Variants in MCC observed in about 807,000 individuals in gnomAD.
MCC encodes MCC regulator of Wnt signaling pathway, also known as colorectal mutant cancer protein.
In MCC, 90 loss-of-function variants were observed where a neutral mutation model predicts 116.2. That is an observed-to-expected ratio of 0.77 (90% CI 0.65 to 0.92). The LOEUF is 0.92. Ranked by LOEUF, MCC falls within the 40% of genes least tolerant of loss-of-function variation. The pLI is 0.00. For synonymous variants in MCC, 578 were observed against 510.5 expected (o/e 1.13, Z -1.78); for missense variants, 1,516 against 1,312.2 (o/e 1.16, Z -2.40).
chr5:113,126,858 C>T (rs1758081588), intron 5 of MCC, among the ~76,000 whole-genome samples: 1 of 151,750 alleles, frequency 6.6e-6, no homozygotes, highest in Non-Finnish European at 1.5e-5. Context: ...TGCCACTATC[C>T]CTCATATTGT....
chr5:113,124,913 G>C (rs939262321), intron 5 of MCC, among the ~76,000 whole-genome samples: 1 of 152,206 alleles, frequency 6.6e-6, no homozygotes, highest in Non-Finnish European at 1.5e-5. Flanking sequence ...GCTGCCAGTG[G>C]GGAGTGACCA....
At chr5:113,135,370 T>C (rs1490043834) in intron 5 of MCC, among the ~76,000 whole-genome samples, 6 of 138,980 alleles carry the variant, frequency 4.3e-5, no homozygotes, top group South Asian at 2.5e-4. Flanking sequence ...CTGGCTAACG[T>C]GGTGAAACAC....
chr5:113,340,675 G>A lies in MCC; in HGVS notation c.471C>T (p.Leu157=), dbSNP rs754207375. The A allele has an allele frequency of 6.2e-7, 1 of 1,614,068 alleles. No homozygotes were observed. The highest frequency in any genetic ancestry group is 8.5e-7 in the Non-Finnish European group (1 of 1,180,024). The change falls in exon 3 of 19, where the codon CTC becomes CTT. Residue 157 remains leucine (L), a synonymous_variant. Coordinates refer to ENST00000408903, the MANE Select transcript of MCC (RefSeq NM_001085377.2). ...ACTGGCTCTGCACATCCGGGCTCTG[G>A]AGGTCCCTGGCACCAGAGTCGTATT... The part of the protein sequence containing the change: ...SWEYDSGARD[L]QSPDVQSQSA...
chr5:113,264,689 AAAG>A (rs1477227208), intron 3 of MCC, among the ~76,000 whole-genome samples: 7 of 152,218 alleles, frequency 4.6e-5, no homozygotes, highest in African/African-American at 1.2e-4. Context: ...AAAAAAATCA[AAAG>A]AAGAATATCT....
intron 3 of MCC, among the ~76,000 whole-genome samples, chr5:113,255,981 T>C (rs143695081): frequency 2.6e-5 from 4 of 152,372 alleles, no homozygotes; most frequent in Admixed American, 2.6e-4. Context: ...ATCAACATTT[T>C]TATCCACCAA....
At chr5:113,197,040 T>C (rs191157533) in intron 3 of MCC, among the ~76,000 whole-genome samples, 15 of 152,258 alleles carry the variant, frequency 9.9e-5, no homozygotes, top group African/African-American at 3.6e-4. Flanking sequence ...GTAAGATGTA[T>C]ACATGGAAAT....
chr5:113,054,964 G>T (rs1580939874), intron 14 of MCC, among the ~76,000 whole-genome samples: 1 of 152,220 alleles, frequency 6.6e-6, no homozygotes, highest in East Asian at 1.9e-4. Flanking sequence ...GGACTCTGAG[G>T]CCAGTGTGCA....
chr5:113,288,779 G>A (rs527802980), intron 3 of MCC, among the ~76,000 whole-genome samples: 4 of 152,118 alleles, frequency 2.6e-5, no homozygotes, highest in Admixed American at 6.5e-5. Flanking sequence ...CTGGAGAAAG[G>A]CTACCTGGGC....
In MCC at chr5:113,441,067, G is replaced by T. The variant is rs555031905; in HGVS notation, c.170+47178C>A. ...AAACAAGTTCTGTCAAGGTGTGGTGGCTCACGCCTGTAATCCCAACACTTT... is the reference window on the plus strand; with the variant it reads ...AAACAAGTTCTGTCAAGGTGTGGTGTCTCACGCCTGTAATCCCAACACTTT... On this transcript the variant is annotated intron_variant, in intron 1 of 18. Transcript: ENST00000408903. 5.3e-5 allele frequency among the ~76,000 whole-genome samples: 8 copies of T among 152,314 alleles called. No individual in the cohort carries two copies. The South Asian group carries it at 1.7e-3, about 32-fold the overall frequency.
chr5:113,071,926 A>G (rs1754069462), intron 11 of MCC, among the ~76,000 whole-genome samples: 1 of 152,242 alleles, frequency 6.6e-6, no homozygotes, highest in Admixed American at 6.5e-5. Flanking sequence ...TGGGTTACAC[A>G]GTCTAGCAGC....
chr5:113,441,491 T>C (rs1771039906), intron 1 of MCC, among the ~76,000 whole-genome samples: 1 of 150,672 alleles, frequency 6.6e-6, no homozygotes, highest in African/African-American at 2.5e-5. Context: ...TCACTTATTA[T>C]TTTTTGTTTT....
rs542046944 is a variant in MCC at position 113,395,094 on chromosome 5, G to A, written c.171-9882C>T. On this transcript the variant is annotated intron_variant, in intron 1 of 18. Transcript: ENST00000408903. Reference sequence around the variant, plus strand: ...AGTTCATTCCTTGTTCATTATCTTTGAGTCTGTAACACCTGGTATACAGTA... The same window carrying A: ...AGTTCATTCCTTGTTCATTATCTTTAAGTCTGTAACACCTGGTATACAGTA... Among the ~76,000 whole-genome samples the A allele has an allele frequency of 8.5e-5, 13 of 152,250 alleles. No individual in the cohort carries two copies. In the East Asian group the frequency reaches 2.3e-3, roughly 27 times the overall value.
chr5:113,473,429 C>A (rs117483030), intron 1 of MCC, among the ~76,000 whole-genome samples: 117 of 151,982 alleles, frequency 7.7e-4, no homozygotes, highest in Non-Finnish European at 1.2e-3. Flanking sequence ...AAGCCTGATG[C>A]GGGAGGGTTA....
intron 3 of MCC, among the ~76,000 whole-genome samples, chr5:113,206,838 C>G (rs776734350): frequency 2.0e-5 from 3 of 152,190 alleles, no homozygotes; most frequent in African/African-American, 7.2e-5. Context: ...TAACCCCTTA[C>G]AGTTTTCGTA....
At chr5:113,304,415 TG>T (rs1486864151) in intron 3 of MCC, among the ~76,000 whole-genome samples, 1 of 152,186 alleles carries the variant, frequency 6.6e-6, no homozygotes, top group African/African-American at 2.4e-5. Flanking sequence ...ACCCCCGTGG[TG>T]TTTGTCTGTC....
chr5:113,049,127 G>A lies in MCC; in HGVS notation c.2621C>T (p.Ser874Phe). 1 of 1,614,216 alleles carries A rather than the reference G, an allele frequency of 6.2e-7. No homozygotes were observed. Among genetic ancestry groups the A allele is most frequent in the African/African-American group, 1.3e-5 (1 of 75,060 alleles). The change falls in exon 16 of 19, where the codon TCC (serine) becomes TTC (phenylalanine). Residue 874 changes from serine (S) to phenylalanine (F), a missense_variant. By Grantham distance (155) the Ser-to-Phe change is radical (BLOSUM62 -2). Coordinates refer to ENST00000408903, the MANE Select transcript of MCC (RefSeq NM_001085377.2). ...TTTGTCTTTGCTGCCGCTGCTGGTG[G>A]AGCTGAGGGATCGCATCCGCTGCTC... ...QKEQRMRSLSSTSSGSKDKPG... is the reference protein window; with the variant it reads ...QKEQRMRSLSFTSSGSKDKPG...
At chr5:113,449,933 G>C (rs1771338731) in intron 1 of MCC, among the ~76,000 whole-genome samples, 1 of 152,130 alleles carries the variant, frequency 6.6e-6, no homozygotes. Context: ...TTTGGAGTAT[G>C]ATTTTTTCCA....
intron 3 of MCC, among the ~76,000 whole-genome samples, chr5:113,222,475 T>C (rs904215056): frequency 3.9e-5 from 6 of 152,210 alleles, no homozygotes; most frequent in African/African-American, 1.2e-4. Flanking sequence ...TTGGAAAGAA[T>C]TTATGTAGAG....
At chr5:113,270,272 C>T (rs1370118872) in intron 3 of MCC, among the ~76,000 whole-genome samples, 2 of 152,050 alleles carry the variant, frequency 1.3e-5, no homozygotes, top group Admixed American at 1.3e-4. Context: ...TACGGCTGTT[C>T]ATCTTTAGGT....
Sources: allele counts gnomAD v4.1 joint callset (sites outside exome capture counted in the v4.1 genomes callset), GRCh38; gene constraint gnomAD v4.1.1; transcripts MANE v1.5; gene names NCBI Gene and HGNC (gene_info 2026-07-23, HGNC 2026-07-21).